Variants in SDK1 observed in about 807,000 individuals in gnomAD.
The protein encoded by SDK1 is sidekick cell adhesion molecule 1.
Under a neutral mutation model 245.5 loss-of-function variants are expected in SDK1, and 157 were observed. That is an observed-to-expected ratio of 0.64 (90% CI 0.56 to 0.73). SDK1 has a LOEUF of 0.73. SDK1 is among the 30% of genes least tolerant of loss of function. SDK1 has a pLI of 0.00. For synonymous variants in SDK1, 1,647 were observed against 1,278.5 expected (o/e 1.29, Z -6.15); for missense variants, 3,583 against 3,002.3 (o/e 1.19, Z -4.52).
intron 1 of SDK1, among the ~76,000 whole-genome samples, chr7:3,482,958 C>G (rs1293995858): frequency 1.3e-5 from 2 of 151,438 alleles, no homozygotes; most frequent in Non-Finnish European, 2.9e-5. Context: ...GATTTCAAGT[C>G]TTTTTAATTC....
At chr7:3,338,264 C>G in intron 1 of SDK1, 1 of 420,460 alleles carries the variant, frequency 2.4e-6, no homozygotes, top group Non-Finnish European at 4.4e-6. Context: ...GGAATGGGTA[C>G]TGTTCAGAAA....
chr7:4,110,613 C>A, intron 22 of SDK1, 50 bp from the exon 23 acceptor site: 1 of 1,348,604 alleles, frequency 7.4e-7, no homozygotes, highest in Non-Finnish European at 1.1e-6. Context: ...ACATGGCAGC[C>A]TCAGTCCCTA....
intron 5 of SDK1, among the ~76,000 whole-genome samples, chr7:3,851,153 G>A (rs538629214): frequency 6.6e-6 from 1 of 152,188 alleles, no homozygotes; most frequent in Non-Finnish European, 1.5e-5. Flanking sequence ...ACTTGTTGGA[G>A]TGAAAATTAT....
intron 5 of SDK1, among the ~76,000 whole-genome samples, chr7:3,853,655 C>G (rs770416057): frequency 2.0e-5 from 3 of 151,862 alleles, no homozygotes; most frequent in Non-Finnish European, 4.4e-5. Context: ...TCTGAGATGC[C>G]CCAGTGAGCT....
At chr7:3,897,011 G>A (rs1781626814) in intron 5 of SDK1, among the ~76,000 whole-genome samples, 1 of 152,124 alleles carries the variant, frequency 6.6e-6, no homozygotes, top group Non-Finnish European at 1.5e-5. Context: ...CATCAGGAGA[G>A]AGAGAGCAGA....
At chr7:4,004,172 C>G (rs148161987) in intron 14 of SDK1, among the ~76,000 whole-genome samples, 142 of 152,300 alleles carry the variant, frequency 9.3e-4, no homozygotes, top group African/African-American at 3.2e-3. Flanking sequence ...TTATTGAGCT[C>G]CTACTGTGTG....
At chr7:4,001,639 G>T (rs1415172436) in intron 14 of SDK1, among the ~76,000 whole-genome samples, 1 of 152,214 alleles carries the variant, frequency 6.6e-6, no homozygotes, top group Non-Finnish European at 1.5e-5. Context: ...TCCTGAGCTT[G>T]TAGACCTTTA....
At chr7:4,092,160 A>G (rs997192715) in intron 22 of SDK1, among the ~76,000 whole-genome samples, 3 of 152,186 alleles carry the variant, frequency 2.0e-5, no homozygotes, top group Non-Finnish European at 4.4e-5. Flanking sequence ...TGCCTGTCTC[A>G]CGGGTGATTG....
At chr7:3,361,557 A>G (rs1184942624) in intron 1 of SDK1, among the ~76,000 whole-genome samples, 2 of 152,092 alleles carry the variant, frequency 1.3e-5, no homozygotes. Flanking sequence ...TCTATATTTA[A>G]ATCTACAATT....
intron 1 of SDK1, among the ~76,000 whole-genome samples, chr7:3,434,110 T>C (rs1779948520): frequency 6.6e-6 from 1 of 152,196 alleles, no homozygotes; most frequent in Non-Finnish European, 1.5e-5. Context: ...GGGCTCATCT[T>C]ATGACCTGTT....
intron 1 of SDK1, among the ~76,000 whole-genome samples, chr7:3,368,568 G>A (rs1781147431): frequency 6.6e-6 from 1 of 152,200 alleles, no homozygotes; most frequent in Admixed American, 6.5e-5. Context: ...TGGGATTAAA[G>A]GTGTAACCTG....
intron 32 of SDK1, 122 bp from the exon 33 acceptor site, chr7:4,174,100 G>C: frequency 9.5e-7 from 1 of 1,050,236 alleles, no homozygotes; most frequent in Non-Finnish European, 1.4e-6. Context: ...GACACCTGTC[G>C]CTGGAACCCA....
intron 4 of SDK1, among the ~76,000 whole-genome samples, chr7:3,719,507 A>G (rs1157946220): frequency 6.6e-6 from 1 of 152,154 alleles, no homozygotes; most frequent in East Asian, 1.9e-4. Flanking sequence ...ATGCCCAACT[A>G]ATTTTTGACA....
At chr7:4,134,138 G>C (rs1301427496) in intron 28 of SDK1, among the ~76,000 whole-genome samples, 1 of 152,192 alleles carries the variant, frequency 6.6e-6, no homozygotes, top group Non-Finnish European at 1.5e-5. Context: ...TTCCCTGAGA[G>C]GGGGCCTGGA....
At chr7:3,942,998 C>T (rs1416632690) in intron 5 of SDK1, among the ~76,000 whole-genome samples, 2 of 152,088 alleles carry the variant, frequency 1.3e-5, no homozygotes, top group African/African-American at 2.4e-5. Flanking sequence ...TGGCCACGTG[C>T]GGGGAACGGC....
At chr7:3,420,688 A>G (rs1169476205) in intron 1 of SDK1, among the ~76,000 whole-genome samples, 1 of 152,210 alleles carries the variant, frequency 6.6e-6, no homozygotes, top group African/African-American at 2.4e-5. Flanking sequence ...TTATCTCATT[A>G]TATTCTTTTT....
chr7:4,009,501 A>G (rs1785766971), intron 14 of SDK1, among the ~76,000 whole-genome samples: 1 of 151,170 alleles, frequency 6.6e-6, no homozygotes, highest in South Asian at 2.1e-4. Flanking sequence ...GTAACTGGGA[A>G]TGCGCACATT....
chr7:3,649,717 C>T (rs1185125047), intron 4 of SDK1, among the ~76,000 whole-genome samples: 4 of 152,114 alleles, frequency 2.6e-5, no homozygotes, highest in Non-Finnish European at 4.4e-5. Flanking sequence ...AGAACTAAGG[C>T]AGAGAGAGGC....
chr7:4,157,478 G>GAAGGAAGGA lies in SDK1; in HGVS notation c.4626-962_4626-961insAAAGGAAGG, dbSNP rs376827178. Among the ~76,000 whole-genome samples the GAAGGAAGGA allele has an allele frequency of 2.0e-4, 27 of 136,128 alleles. 1 individual carries two copies. Among genetic ancestry groups the GAAGGAAGGA allele is most frequent in the African/African-American group, 3.9e-4 (14 of 35,814 alleles). 89.3% of individuals were successfully genotyped at this position (136,128 alleles called of 152,430 possible). A position where few individuals can be genotyped will look rare whatever the true frequency, so the allele number is the denominator to read the frequency against. The stretch of plus-strand genomic sequence containing the variant: ...GGTGGAAGGGAGAGAAGGAAGGAGG[G>GAAGGAAGGA]AAGGAAGGGAGGAAGAGGGGAGAGA... On this transcript the variant is annotated intron_variant, in intron 30 of 44. Coordinates refer to ENST00000404826, the MANE Select transcript of SDK1 (RefSeq NM_152744.4).
Sources: gnomAD v4.1 joint callset for allele counts (sites outside exome capture counted in the v4.1 genomes callset) on GRCh38, gnomAD v4.1.1 for gene constraint, MANE v1.5 for transcripts, NCBI Gene and HGNC (gene_info 2026-07-23, HGNC 2026-07-21) for gene names.